The following MTCL1 variants were observed in gnomAD, a reference collection of about 807,000 sequenced individuals.
The protein encoded by MTCL1 is microtubule cross-linking factor 1.
Under a neutral mutation model 141.4 loss-of-function variants are expected in MTCL1, and 79 were observed. That is an observed-to-expected ratio of 0.56 (90% CI 0.47 to 0.67). MTCL1 has a LOEUF of 0.67. Among genes scored for constraint, MTCL1 ranks in the 30% least tolerant of loss-of-function variants. The pLI is 0.00. For synonymous variants in MTCL1, 914 were observed against 875.8 expected (o/e 1.04, Z -0.77); for missense variants, 2,177 against 2,113.9 (o/e 1.03, Z -0.59).
rs1302521239 is a variant in MTCL1 at position 8,819,101 on chromosome 18, T to C, written c.2998T>C (p.Ser1000Pro). Residue 1000 changes from serine (S) to proline (P), a missense_variant, in exon 13 of 17, where the codon TCC becomes CCC. Coordinates refer to ENST00000359865, the Ensembl canonical transcript of MTCL1. ...CATGTGGCCTTGTGCAGATGCTGACTCCATCCCGTTTGAAGACCGGCCGCT... is the reference window on the plus strand; with the variant it reads ...CATGTGGCCTTGTGCAGATGCTGACCCCATCCCGTTTGAAGACCGGCCGCT... 29 of 1,614,134 alleles carry C rather than the reference T, an allele frequency of 1.8e-5. No individual in the cohort carries two copies. The highest frequency in any genetic ancestry group is 4.0e-5 in the African/African-American group (3 of 74,954).
At chr18:8,765,040 C>T (rs2149021087) in intron 4 of MTCL1, among the ~76,000 whole-genome samples, 1 of 152,320 alleles carries the variant, frequency 6.6e-6, no homozygotes, top group African/African-American at 2.4e-5. Context: ...TGCCTCAAAG[C>T]TTGAACTTGT....
intron 16 of MTCL1, chr18:8,829,274 G>A (rs1277415153): frequency 1.0e-6 from 1 of 985,362 alleles, no homozygotes; most frequent in African/African-American, 1.7e-5. Flanking sequence ...TACTGGCCAG[G>A]AGGGGACATC....
At chr18:8,768,275 C>T (rs568866332) in intron 4 of MTCL1, among the ~76,000 whole-genome samples, 1 of 152,288 alleles carries the variant, frequency 6.6e-6, no homozygotes, top group South Asian at 2.1e-4. Flanking sequence ...TGGTAGATGC[C>T]TATTCACTTT....
At chr18:8,747,055 G>A (rs1041638289) in intron 4 of MTCL1, among the ~76,000 whole-genome samples, 4 of 152,184 alleles carry the variant, frequency 2.6e-5, no homozygotes, top group Admixed American at 6.5e-5. Context: ...CCGATGTCCT[G>A]TGTTGGCCCG....
chr18:8,796,741 A>G (rs650964), intron 9 of MTCL1, among the ~76,000 whole-genome samples: 108,710 of 152,050 alleles, frequency 0.71, 39,176 homozygotes, highest in Admixed American at 0.81. Context: ...ATGCAGTGCT[A>G]GGCATAAACT....
chr18:8,732,064 T>C (rs2096253296), intron 4 of MTCL1, among the ~76,000 whole-genome samples: 1 of 152,180 alleles, frequency 6.6e-6, no homozygotes. Flanking sequence ...CTACAAGTCA[T>C]GTTATTGATG....
At chr18:8,786,521 C>T (rs2096556534) in intron 7 of MTCL1, 2 of 369,382 alleles carry the variant, frequency 5.4e-6, no homozygotes, top group East Asian at 7.3e-5. Context: ...GTGACCATCC[C>T]ACGGTCTCGA....
chr18:8,796,347 A>G, exon 9 of MTCL1: 1 of 1,614,218 alleles, frequency 6.2e-7, no homozygotes, highest in Middle Eastern at 1.6e-4. Flanking sequence ...CTGATGCAGC[A>G]GGAGCTCCGG....
rs553994313 is a variant in MTCL1, at chr18:8,733,849, A to T, written c.357+13353A>T. ...GGCCGTTTTTACTTTTCAATCTTGA[A>T]GTAACACTCAGAGTTTCTTGTTTGT... On this transcript the variant is annotated intron_variant, in intron 4 of 16. Transcript: ENST00000359865. 9.2e-5 allele frequency among the ~76,000 whole-genome samples: 14 copies of T among 152,340 alleles called. No individual in the cohort carries two copies. In the South Asian group the frequency reaches 2.3e-3, roughly 25 times the overall value.
chr18:8,829,105 C>T (rs2077117572), intron 16 of MTCL1: 2 of 1,520,170 alleles, frequency 1.3e-6, no homozygotes, highest in African/African-American at 1.4e-5. Context: ...GGAGGTTCGC[C>T]TAAACCCAGG....
At chr18:8,781,879 C>T (rs866284397) in intron 5 of MTCL1, among the ~76,000 whole-genome samples, 1 of 152,168 alleles carries the variant, frequency 6.6e-6, no homozygotes, top group Non-Finnish European at 1.5e-5. Flanking sequence ...TGACAGTGGG[C>T]GTGTCATCCT....
intron 7 of MTCL1, chr18:8,789,271 C>A (rs1380119236): frequency 3.8e-6 from 1 of 260,364 alleles, no homozygotes; most frequent in Non-Finnish European, 6.0e-6. Context: ...TATTTGCACT[C>A]ATGTGTTGGC....
chr18:8,813,356 A>G (rs1459148909), intron 12 of MTCL1, 123 bp downstream of exon 11: 3 of 1,181,614 alleles, frequency 2.5e-6, no homozygotes, highest in Non-Finnish European at 3.5e-6. Flanking sequence ...TGGGCTTCCA[A>G]AGGAAGAGAG....
At chr18:8,826,176 G>A in exon 15 of MTCL1, 1 of 1,611,992 alleles carries the variant, frequency 6.2e-7, no homozygotes, top group Non-Finnish European at 8.5e-7. Flanking sequence ...CGGGCCCCCG[G>A]GTCTCCACAG....
Position 8,718,439 on chromosome 18 carries a change from C to A in MTCL1, c.-12C>A, listed in dbSNP as rs765457933. ...ATTTGCATAGGATGAGTTAGATGAACTCCGTGCTGAGATGGAAGAGATGAG... is the reference window on the plus strand; with the variant it reads ...ATTTGCATAGGATGAGTTAGATGAAATCCGTGCTGAGATGGAAGAGATGAG... On this transcript the variant is annotated 5_prime_UTR_variant, in exon 3 of 17. Coordinates refer to ENST00000359865, the Ensembl canonical transcript of MTCL1. 8.7e-6 allele frequency: 14 copies of A among 1,614,046 alleles called. No individual in the cohort carries two copies. In the African/African-American group the frequency reaches 1.9e-4, roughly 22 times the overall value.
chr18:8,735,650 A>C (rs2096271406), intron 4 of MTCL1, among the ~76,000 whole-genome samples: 1 of 152,084 alleles, frequency 6.6e-6, no homozygotes, highest in Non-Finnish European at 1.5e-5. Context: ...GGGGGTGGGC[A>C]TGGAGGTAGG....
At chr18:8,786,042 G>A (rs1392166001) in exon 7 of MTCL1, 3 of 1,602,430 alleles carry the variant, frequency 1.9e-6, no homozygotes, top group Non-Finnish European at 1.7e-6. Flanking sequence ...CGCGCAGACG[G>A]GGACACCGGG....
At chr18:8,740,804 A>G (rs2096298718) in intron 4 of MTCL1, among the ~76,000 whole-genome samples, 1 of 151,920 alleles carries the variant, frequency 6.6e-6, no homozygotes, top group Non-Finnish European at 1.5e-5. Context: ...ATTTTAGATT[A>G]CTCCTTTTAT....
intron 12 of MTCL1, among the ~76,000 whole-genome samples, chr18:8,815,720 T>G (rs2076634129): frequency 6.6e-6 from 1 of 151,092 alleles, no homozygotes; most frequent in Non-Finnish European, 1.5e-5. Flanking sequence ...TTTGGAAAGG[T>G]AATAGTGGTC....
Sources: gnomAD v4.1 joint callset for allele counts (sites outside exome capture counted in the v4.1 genomes callset) on GRCh38, gnomAD v4.1.1 for gene constraint, MANE v1.5 for transcripts, NCBI Gene and HGNC (gene_info 2026-07-23, HGNC 2026-07-21) for gene names.